Variants in RSU1 observed in about 807,000 individuals in gnomAD.
RSU1 encodes the protein Ras suppressor protein 1.
RSU1 carries 26 observed loss-of-function variants against 31.1 expected under a neutral mutation model. The observed-to-expected ratio is 0.84, with a 90% CI of 0.61 to 1.16. The LOEUF (loss-of-function observed/expected upper bound fraction) is 1.16. RSU1 is among the 50% of genes most tolerant of loss of function. RSU1 has a pLI of 0.00. For missense variants in RSU1, 320 were observed against 339.1 expected, an observed-to-expected ratio of 0.94 and a Z score of 0.44; for synonymous variants, 164 against 136.3, an observed-to-expected ratio of 1.20 and a Z score of -1.41.
intron 7 of RSU1, among the ~76,000 whole-genome samples, chr10:16,725,414 C>G (rs1836369832): frequency 1.3e-5 from 2 of 152,096 alleles, no homozygotes; most frequent in Admixed American, 1.3e-4. Context: ...GAGAAAGGAA[C>G]AGATACTCTG....
At chr10:16,744,795 C>T (rs186351874) in intron 7 of RSU1, among the ~76,000 whole-genome samples, 79 of 152,266 alleles carry the variant, frequency 5.2e-4, no homozygotes, top group Middle Eastern at 3.4e-3. Flanking sequence ...GGATGGACTG[C>T]GGGCATACTC....
intron 2 of RSU1, among the ~76,000 whole-genome samples, chr10:16,785,449 T>TACATATATATATATAC (rs1564357295): frequency 1.4e-5 from 2 of 139,462 alleles, no homozygotes; most frequent in South Asian, 2.1e-4. Flanking sequence ...TACACATATA[T>TACATATATATATATAC]ACATATATAC....
At chr10:16,682,820 G>C (rs1835356315) in intron 8 of RSU1, among the ~76,000 whole-genome samples, 1 of 151,950 alleles carries the variant, frequency 6.6e-6, no homozygotes, top group South Asian at 2.1e-4. Context: ...CAGGTCCCAG[G>C]ATCCACACCT....
chr10:16,703,601 G>T (rs1408010006), intron 7 of RSU1, among the ~76,000 whole-genome samples: 1 of 152,158 alleles, frequency 6.6e-6, no homozygotes, highest in Non-Finnish European at 1.5e-5. Flanking sequence ...GGTATAATAT[G>T]TAGCCATATG....
chr10:16,728,869 AAGG>A (rs1490131652), intron 7 of RSU1, among the ~76,000 whole-genome samples: 4 of 152,220 alleles, frequency 2.6e-5, no homozygotes, highest in Non-Finnish European at 4.4e-5. Context: ...GAAGCTGAGA[AAGG>A]CAAGGAGCCA....
intron 2 of RSU1, among the ~76,000 whole-genome samples, chr10:16,806,943 G>A (rs1025499221): frequency 1.3e-5 from 2 of 152,116 alleles, no homozygotes; most frequent in African/African-American, 4.8e-5. Context: ...TAGTAGAGAG[G>A]GGGTTTCACC....
intron 8 of RSU1, among the ~76,000 whole-genome samples, chr10:16,668,118 G>C (rs1266825274): frequency 6.6e-6 from 1 of 152,180 alleles, no homozygotes; most frequent in Admixed American, 6.5e-5. Context: ...CCTTGAGCAA[G>C]TTACTTAATC....
intron 8 of RSU1, among the ~76,000 whole-genome samples, chr10:16,687,982 C>G (rs186978015): frequency 2.0e-5 from 3 of 152,278 alleles, no homozygotes; most frequent in Non-Finnish European, 4.4e-5. Flanking sequence ...CTCGCCTTCC[C>G]AAAGTACTGG....
intron 8 of RSU1, among the ~76,000 whole-genome samples, chr10:16,640,503 AGAG>A (rs1301145558): frequency 2.0e-5 from 3 of 152,216 alleles, no homozygotes; most frequent in African/African-American, 7.2e-5. Flanking sequence ...ATTTGCTACT[AGAG>A]GATAAAAATC....
At chr10:16,711,302 CTAGCTTAAAGT>C (rs1162053615) in intron 7 of RSU1, among the ~76,000 whole-genome samples, 1 of 150,536 alleles carries the variant, frequency 6.6e-6, no homozygotes, top group Non-Finnish European at 1.5e-5. Flanking sequence ...TTTTTTTAGT[CTAGCTTAAAGT>C]TTGTTGATTT....
intron 8 of RSU1, among the ~76,000 whole-genome samples, chr10:16,640,738 T>C (rs1264992216): frequency 6.6e-6 from 1 of 152,260 alleles, no homozygotes; most frequent in Non-Finnish European, 1.5e-5. Flanking sequence ...GGTTAGCTCC[T>C]GCCCCTCTTC....
intron 7 of RSU1, among the ~76,000 whole-genome samples, chr10:16,702,378 C>G (rs558141297): frequency 6.6e-6 from 1 of 152,236 alleles, no homozygotes; most frequent in Non-Finnish European, 1.5e-5. Context: ...CACTGACAGG[C>G]TGAACCCTGC....
intron 2 of RSU1, among the ~76,000 whole-genome samples, chr10:16,793,296 AG>A: frequency 6.6e-6 from 1 of 152,222 alleles, no homozygotes; most frequent in Non-Finnish European, 1.5e-5. Context: ...TTATAGATAA[AG>A]GGTCTATCAA....
At chr10:16,666,380 A>G (rs908639420) in intron 8 of RSU1, among the ~76,000 whole-genome samples, 28 of 152,238 alleles carry the variant, frequency 1.8e-4, no homozygotes, top group African/African-American at 6.3e-4. Flanking sequence ...CTTCTCCTGC[A>G]GTAACTGAAC....
At chr10:16,788,997 C>T (rs1025634018) in intron 2 of RSU1, among the ~76,000 whole-genome samples, 7 of 152,098 alleles carry the variant, frequency 4.6e-5, no homozygotes, top group African/African-American at 9.7e-5. Flanking sequence ...GAAGGTACTC[C>T]CATCTTCCCT....
chr10:16,600,168 G>A lies in RSU1; in HGVS notation c.732-6672C>T, dbSNP rs150597393. 1.6e-3 allele frequency among the ~76,000 whole-genome samples: 243 copies of A among 152,308 alleles called. 1 individual carries two copies. Among genetic ancestry groups the A allele is most frequent in the African/African-American group, 5.6e-3 (232 of 41,578 alleles). On this transcript the variant is annotated intron_variant, in intron 8 of 8. Coordinates refer to ENST00000345264, the MANE Select transcript of RSU1 (RefSeq NM_012425.4). The stretch of plus-strand genomic sequence containing the variant: ...ATGGTTTCAAAGATGAGATGCCTGC[G>A]ACGCTCTCAGTGGTGGGAGATGAGT...
chr10:16,766,098 G>C (rs1388060675), intron 3 of RSU1, among the ~76,000 whole-genome samples: 1 of 152,218 alleles, frequency 6.6e-6, no homozygotes, highest in Non-Finnish European at 1.5e-5. Context: ...TTGGTGAAAG[G>C]TAAAAGAGAT....
chr10:16,780,235 A>G (rs958875513), intron 3 of RSU1, among the ~76,000 whole-genome samples: 8 of 152,236 alleles, frequency 5.3e-5, no homozygotes, highest in African/African-American at 1.9e-4. Flanking sequence ...GAGATCAATG[A>G]ATGATATAAT....
rs145244852 is a variant in RSU1, at chr10:16,751,008, G to A, written c.598+1531C>T. Among the ~76,000 whole-genome samples, 1,358 of 152,028 alleles carry A rather than the reference G, an allele frequency of 8.9e-3. 19 individuals carry two copies. The highest frequency in any genetic ancestry group is 0.031 in the African/African-American group (1,290 of 41,464). ...AGCCTCCCGAGTAGCTGGGACTACA[G>A]GCATGCACCACCACGTCCAGCTAAT... is the stretch of plus-strand genomic sequence containing the variant. On this transcript the variant is annotated intron_variant, in intron 7 of 8. Coordinates refer to ENST00000345264, the MANE Select transcript of RSU1 (RefSeq NM_012425.4).
Sources: gnomAD v4.1 joint callset for allele counts (sites outside exome capture counted in the v4.1 genomes callset) on GRCh38, gnomAD v4.1.1 for gene constraint, MANE v1.5 for transcripts, NCBI Gene and HGNC (gene_info 2026-07-23, HGNC 2026-07-21) for gene names.